RFFL: variants seen among roughly 807,000 people sequenced by gnomAD.
The protein encoded by RFFL is E3 ubiquitin-protein ligase rififylin.
In RFFL, 16 loss-of-function variants were observed where a neutral mutation model predicts 40.4. The ratio of observed to expected loss-of-function variants is 0.40; its 90% CI spans 0.27 to 0.60. RFFL has a LOEUF of 0.60. RFFL is among the 20% of genes least tolerant of loss of function. The pLI is 0.47. For missense variants in RFFL, 367 were observed against 451.7 expected (o/e 0.81, Z 1.70); for synonymous variants, 154 against 167.9 (o/e 0.92, Z 0.64).
At chr17:35,048,227 C>A (rs1440723899) in intron 1 of RFFL, among the ~76,000 whole-genome samples, 2 of 151,340 alleles carry the variant, frequency 1.3e-5, no homozygotes, top group African/African-American at 2.4e-5. Flanking sequence ...ACGGTGAAAC[C>A]CCGTCTCTAC....
chr17:35,039,153 C>T lies in RFFL; in HGVS notation c.-8-12592G>A, dbSNP rs563242263. Among the ~76,000 whole-genome samples, 26 of 152,282 alleles carry T rather than the reference C, an allele frequency of 1.7e-4. No homozygotes were observed. The East Asian group carries it at 4.4e-3, about 26-fold the overall frequency. On this transcript the variant is annotated intron_variant, in intron 1 of 6. Transcript: ENST00000394597. ...AACTCCTGGGCTCAAGCAATCCACC[C>T]GCCTCAGCCTCCCAAAGTGCTGGGA...
intron 2 of RFFL, 28 bp from the exon 3 acceptor site, chr17:35,021,809 C>T (rs2142322482): frequency 6.2e-7 from 1 of 1,613,094 alleles, no homozygotes; most frequent in Non-Finnish European, 8.5e-7. Flanking sequence ...CACAGGAAAC[C>T]ATGTCAGATT....
chr17:35,034,229 A>C (rs1009206172), intron 1 of RFFL, among the ~76,000 whole-genome samples: 4 of 151,958 alleles, frequency 2.6e-5, no homozygotes, highest in African/African-American at 9.7e-5. Flanking sequence ...CAGCTATGTG[A>C]GAGGCTGAGG....
At chr17:35,079,174 C>T (rs1396673191) in intron 1 of RFFL, among the ~76,000 whole-genome samples, 1 of 152,090 alleles carries the variant, frequency 6.6e-6, no homozygotes, top group Non-Finnish European at 1.5e-5. Context: ...AGGCACGCAC[C>T]ACCATGCCTG....
intron 1 of RFFL, among the ~76,000 whole-genome samples, chr17:35,056,180 C>T (rs1434409449): frequency 3.3e-5 from 5 of 152,152 alleles, no homozygotes; most frequent in East Asian, 1.9e-4. Context: ...CACTTGAATT[C>T]CCCTTACAGA....
chr17:35,033,003 G>C (rs1367326950), intron 1 of RFFL, among the ~76,000 whole-genome samples: 4 of 152,064 alleles, frequency 2.6e-5, no homozygotes, highest in Non-Finnish European at 5.9e-5. Context: ...AGCTTGGAAA[G>C]TGAATGAGAA....
At chr17:35,067,039 T>C (rs937816591), upstream of RFFL, among the ~76,000 whole-genome samples, 3 of 152,154 alleles carry the variant, frequency 2.0e-5, no homozygotes, top group East Asian at 1.9e-4. Context: ...GGGGTGCTTA[T>C]TGAAAATGAA....
At chr17:35,033,245 A>C (rs564931389) in intron 1 of RFFL, among the ~76,000 whole-genome samples, 1 of 152,016 alleles carries the variant, frequency 6.6e-6, no homozygotes, top group South Asian at 2.1e-4. Context: ...AAGAAGTGAT[A>C]TGGCTGGGCA....
intron 3 of RFFL, among the ~76,000 whole-genome samples, chr17:35,017,992 A>G (rs978478289): frequency 3.3e-5 from 5 of 152,012 alleles, no homozygotes; most frequent in Admixed American, 3.3e-4. Context: ...CTGATCCAAA[A>G]TTGCCATCCC....
chr17:35,080,383 G>A (rs563194753), intron 1 of RFFL, among the ~76,000 whole-genome samples: 1 of 152,126 alleles, frequency 6.6e-6, no homozygotes, highest in African/African-American at 2.4e-5. Context: ...AGAAAATGCA[G>A]AGGGTAGGGC....
chr17:35,064,146 G>C (rs992174115), upstream of RFFL, among the ~76,000 whole-genome samples: 1 of 152,204 alleles, frequency 6.6e-6, no homozygotes, highest in Non-Finnish European at 1.5e-5. Flanking sequence ...AACTTGCCCA[G>C]TCATCATTAG....
chr17:35,046,918 A>G (rs1004609927), intron 1 of RFFL, among the ~76,000 whole-genome samples: 1 of 152,200 alleles, frequency 6.6e-6, no homozygotes, highest in Non-Finnish European at 1.5e-5. Flanking sequence ...TTCTGCCCCA[A>G]AGGGTGAGTC....
chr17:35,086,482 TAAA>T (rs11298971), intron 1 of RFFL, among the ~76,000 whole-genome samples: 14 of 143,972 alleles, frequency 9.7e-5, no homozygotes, highest in Admixed American at 1.4e-4. Flanking sequence ...CCATCTCAAT[TAAA>T]AAAAAAAAAA....
rs142092501 is a variant in RFFL at position 35,076,148 on chromosome 17, C to G, written c.-9+12957G>C. 9.5e-3 allele frequency among the ~76,000 whole-genome samples: 1,435 copies of G among 151,768 alleles called. 4 individuals are homozygous for G. The highest frequency in any genetic ancestry group is 0.014 in the Non-Finnish European group (934 of 67,946). On this transcript the variant is annotated intron_variant, in intron 1 of 6. Transcript: ENST00000315249. ...AGCTGGGACTACAGGCGCGTGCCAC[C>G]ACACCTGGCTAATTTTTGTATTTTT...
intron 1 of RFFL, among the ~76,000 whole-genome samples, chr17:35,049,304 G>GCACACACA (rs111976707): frequency 2.7e-5 from 4 of 149,828 alleles, no homozygotes; most frequent in African/African-American, 9.8e-5. Context: ...GGTACAGAAT[G>GCACACACA]CACACACACA....
intron 2 of RFFL, among the ~76,000 whole-genome samples, chr17:35,022,373 T>G (rs2091014214): frequency 6.6e-6 from 1 of 152,260 alleles, no homozygotes; most frequent in Non-Finnish European, 1.5e-5. Flanking sequence ...TAATTATTTC[T>G]GCATGAAGGT....
At chr17:35,045,174 G>C (rs933632269) in intron 1 of RFFL, among the ~76,000 whole-genome samples, 1 of 152,102 alleles carries the variant, frequency 6.6e-6, no homozygotes, top group Non-Finnish European at 1.5e-5. Context: ...TACATTCTGG[G>C]GGAAAGAGCA....
At chr17:35,083,791 A>G (rs977354990) in intron 1 of RFFL, among the ~76,000 whole-genome samples, 8 of 151,870 alleles carry the variant, frequency 5.3e-5, no homozygotes, top group East Asian at 1.9e-4. Flanking sequence ...AAAAAAAAAA[A>G]AAAGAAAGAA....
At chr17:35,021,928 C>A (rs184086236) in intron 2 of RFFL, 147 bp from the exon 3 acceptor site, 7 of 756,000 alleles carry the variant, frequency 9.3e-6, no homozygotes, top group East Asian at 8.0e-5. Flanking sequence ...TCTAAGGGTG[C>A]AAGCCACTTT....
Sources: allele counts gnomAD v4.1 joint callset (sites outside exome capture counted in the v4.1 genomes callset), GRCh38; gene constraint gnomAD v4.1.1; transcripts MANE v1.5; gene names NCBI Gene and HGNC (gene_info 2026-07-23, HGNC 2026-07-21).